Variants in ZHX2 observed in about 807,000 individuals in gnomAD.
The protein encoded by ZHX2 is zinc fingers and homeoboxes protein 2.
In ZHX2, 6 loss-of-function variants were observed where a neutral mutation model predicts 21.9. The ratio of observed to expected loss-of-function variants is 0.27; its 90% CI spans 0.15 to 0.54. The LOEUF is 0.54. ZHX2 is among the 20% of genes least tolerant of loss of function. The probability of loss-of-function intolerance (pLI) is 0.95; values close to 1 mark genes in which losing one functional copy is unlikely to be tolerated. For synonymous variants in ZHX2, 434 were observed against 437.1 expected, an observed-to-expected ratio of 0.99 and a Z score of 0.09; for missense variants, 908 against 1,090.7, an observed-to-expected ratio of 0.83 and a Z score of 2.36.
intron 2 of ZHX2, among the ~76,000 whole-genome samples, chr8:122,928,760 G>A (rs1365585863): frequency 1.3e-5 from 2 of 152,132 alleles, no homozygotes; most frequent in Non-Finnish European, 2.9e-5. Context: ...CATGAGCTAA[G>A]GCCTCACACC....
intron 2 of ZHX2, among the ~76,000 whole-genome samples, chr8:122,884,927 G>A (rs1819803983): frequency 6.6e-6 from 1 of 152,184 alleles, no homozygotes; most frequent in Non-Finnish European, 1.5e-5. Context: ...AAAAAAATGG[G>A]AAGCCATTGG....
At chr8:122,836,271 C>G (rs573849254) in intron 1 of ZHX2, among the ~76,000 whole-genome samples, 3 of 151,242 alleles carry the variant, frequency 2.0e-5, no homozygotes, top group African/African-American at 4.9e-5. Flanking sequence ...TGGATTTTCC[C>G]CTGTTAACAG....
chr8:122,956,668 A>T (rs1175873070), intron 3 of ZHX2, among the ~76,000 whole-genome samples: 1 of 152,228 alleles, frequency 6.6e-6, no homozygotes, highest in Non-Finnish European at 1.5e-5. Context: ...TCGGTAAAGG[A>T]TAAGAGGAGG....
At chr8:122,836,923 G>C (rs1451057505) in intron 1 of ZHX2, among the ~76,000 whole-genome samples, 1 of 152,194 alleles carries the variant, frequency 6.6e-6, no homozygotes, top group Non-Finnish European at 1.5e-5. Context: ...GATGAGGTAG[G>C]AGGTCCGCAC....
At chr8:122,883,373 C>G (rs1219382430) in intron 2 of ZHX2, among the ~76,000 whole-genome samples, 1 of 152,074 alleles carries the variant, frequency 6.6e-6, no homozygotes, top group East Asian at 1.9e-4. Context: ...CAGACAGCAG[C>G]AAGAGTAAGG....
chr8:122,887,999 G>A (rs996526518), intron 2 of ZHX2, among the ~76,000 whole-genome samples: 1 of 152,132 alleles, frequency 6.6e-6, no homozygotes, highest in African/African-American at 2.4e-5. Flanking sequence ...TGCCGTGGGT[G>A]GTCCTGGATT....
chr8:122,842,684 GGT>G (rs1373880806), intron 1 of ZHX2, among the ~76,000 whole-genome samples: 1 of 152,126 alleles, frequency 6.6e-6, no homozygotes, highest in Non-Finnish European at 1.5e-5. Flanking sequence ...CTCCAGCCTG[GGT>G]GACAGAGCGA....
intron 1 of ZHX2, among the ~76,000 whole-genome samples, chr8:122,797,624 C>T (rs1426782352): frequency 3.0e-5 from 1 of 33,458 alleles, no homozygotes; most frequent in African/African-American, 8.4e-5. Context: ...GACACTTAGT[C>T]AGCGCCGTCT....
Position 122,828,640 on chromosome 8 carries a change from G to T in ZHX2, c.-282-34837G>T, listed in dbSNP as rs932075978. On this transcript the variant is annotated intron_variant, in intron 1 of 3. Coordinates refer to ENST00000314393, the MANE Select transcript of ZHX2 (RefSeq NM_014943.5). This position sits in a 1 kb window ranked among gnomAD's most constrained non-coding sequence, Gnocchi z 5.2. ...CATGGGCTGTGGGGGATGTGCTGGC[G>T]GCAGCCCTGGTGGCCATGGGCACTG... Among the ~76,000 whole-genome samples the T allele has an allele frequency of 1.3e-5, 2 of 152,190 alleles. No individual in the cohort carries two copies. Among genetic ancestry groups the T allele is most frequent in the South Asian group, 4.1e-4 (2 of 4,828 alleles).
intron 1 of ZHX2, among the ~76,000 whole-genome samples, chr8:122,843,334 A>G (rs1162288233): frequency 2.0e-5 from 3 of 152,198 alleles, no homozygotes; most frequent in African/African-American, 7.2e-5. Context: ...CTAGAGCAAA[A>G]CGTGGGCTAT....
intron 1 of ZHX2, among the ~76,000 whole-genome samples, chr8:122,831,507 G>T (rs1818374713): frequency 6.6e-6 from 1 of 152,202 alleles, no homozygotes; most frequent in Admixed American, 6.5e-5. Flanking sequence ...CATGGTCCTT[G>T]CTTTTGAAGG....
intron 1 of ZHX2, among the ~76,000 whole-genome samples, chr8:122,860,834 G>A (rs1214967582): frequency 6.6e-6 from 1 of 151,932 alleles, no homozygotes; most frequent in African/African-American, 2.4e-5. Context: ...AGAGATCGAG[G>A]CCATCCTGGT....
chr8:122,802,866 C>T (rs995472706), intron 1 of ZHX2, among the ~76,000 whole-genome samples: 5 of 152,136 alleles, frequency 3.3e-5, no homozygotes, highest in Non-Finnish European at 7.4e-5. Context: ...CCCTGTTTCT[C>T]TTGGGAAGTC....
chr8:122,794,022 G>C (rs1477769987), intron 1 of ZHX2, among the ~76,000 whole-genome samples: 2 of 152,222 alleles, frequency 1.3e-5, no homozygotes, highest in African/African-American at 4.8e-5. Flanking sequence ...TTGGTGCCAT[G>C]ATGAGTCCTT....
intron 2 of ZHX2, among the ~76,000 whole-genome samples, chr8:122,931,529 C>T (rs532352812): frequency 6.6e-6 from 1 of 152,288 alleles, no homozygotes; most frequent in Admixed American, 6.5e-5. Flanking sequence ...AGATTTAGCT[C>T]CAGCAGCTTC....
intron 3 of ZHX2, 48 bp downstream of exon 3, chr8:122,954,076 T>G (rs1379151846): frequency 1.3e-6 from 2 of 1,484,958 alleles, no homozygotes; most frequent in African/African-American, 2.8e-5. Context: ...GCAGCTTGCT[T>G]TCTTTTCGTT....
At chr8:122,851,690 A>G (rs1433803261) in intron 1 of ZHX2, among the ~76,000 whole-genome samples, 1 of 152,222 alleles carries the variant, frequency 6.6e-6, no homozygotes, top group Non-Finnish European at 1.5e-5. Context: ...CTTTGTATGC[A>G]TGACCTCATA....
intron 1 of ZHX2, among the ~76,000 whole-genome samples, chr8:122,832,497 G>A (rs1818399533): frequency 6.6e-6 from 1 of 152,192 alleles, no homozygotes; most frequent in Admixed American, 6.5e-5. Flanking sequence ...TCGGTATAGA[G>A]GGAGAAAGAT....
chr8:122,797,546 G>A (rs1563733542), intron 1 of ZHX2, among the ~76,000 whole-genome samples: 1 of 152,048 alleles, frequency 6.6e-6, no homozygotes, highest in Non-Finnish European at 1.5e-5. Context: ...CTTTTACCTT[G>A]AACAGGATTC....
Sources: gnomAD v4.1 joint callset for allele counts (sites outside exome capture counted in the v4.1 genomes callset) on GRCh38, gnomAD v4.1.1 for gene constraint, Gnocchi (gnomAD v3.1) non-coding constraint, MANE v1.5 for transcripts, NCBI Gene and HGNC (gene_info 2026-07-23, HGNC 2026-07-21) for gene names.